The following MVP variants were observed in gnomAD, a reference collection of about 807,000 sequenced individuals.
MVP encodes major vault protein, also known as lung resistance-related protein.
Under a neutral mutation model 83.5 loss-of-function variants are expected in MVP, and 62 were observed. The ratio of observed to expected loss-of-function variants is 0.74; its 90% CI spans 0.61 to 0.92. The LOEUF is 0.92. Among genes scored for constraint, MVP ranks in the 40% least tolerant of loss-of-function variants. The probability of loss-of-function intolerance (pLI) is 0.00; values close to 1 mark genes in which losing one functional copy is unlikely to be tolerated. For missense variants in MVP, 1,000 were observed against 1,203.4 expected, an observed-to-expected ratio of 0.83 and a Z score of 2.50; for synonymous variants, 505 against 504.1, an observed-to-expected ratio of 1.00 and a Z score of -0.02.
intron 1 of MVP, among the ~76,000 whole-genome samples, chr16:29,828,292 G>A (rs578110509): frequency 6.6e-6 from 1 of 152,292 alleles, no homozygotes; most frequent in South Asian, 2.1e-4. Context: ...GGAGCCACAT[G>A]TGGATGTGGC....
Position 29,830,505 on chromosome 16 carries a change from C to G in MVP, c.-35-10C>G, listed in dbSNP as rs770602518. ...CAGGTTCATCCTGTGTCGTCTCCCC[C>G]ACCTACCAGTCATCTTCTTGTGAGC... On this transcript the variant is annotated splice_polypyrimidine_tract_variant and intron_variant, in intron 1 of 14. Coordinates refer to ENST00000357402, the MANE Select transcript of MVP (RefSeq NM_005115.5). 1.2e-6 allele frequency: 2 copies of G among 1,605,448 alleles called. No individual in the cohort carries two copies. The highest frequency in any genetic ancestry group is 1.3e-5 in the African/African-American group (1 of 74,872).
chr16:29,833,824 T>A lies in MVP; in HGVS notation c.413T>A (p.Val138Glu). ...GAGGATAAAGATGGAGACAAGGTGG[T>A]GGCAGGAGATGAGTGGCTTTTCGAG... ...DFEDKDGDKV[V>E]AGDEWLFEGP... is the part of the protein sequence containing the mutation. The change falls in exon 4 of 15, where the codon GTG becomes GAG. Residue 138 changes from valine to glutamate, a missense_variant. Physicochemically the swap from Val to Glu is moderately radical, Grantham distance 121 (BLOSUM62 -2). Coordinates refer to ENST00000357402, the MANE Select transcript of MVP (RefSeq NM_005115.5). 3 of 1,614,086 alleles carry A rather than the reference T, an allele frequency of 1.9e-6. No homozygotes were observed. The highest frequency in any genetic ancestry group is 2.5e-6 in the Non-Finnish European group (3 of 1,180,004).
intron 1 of MVP, among the ~76,000 whole-genome samples, chr16:29,823,898 C>T (rs986695731): frequency 1.6e-4 from 25 of 151,556 alleles, no homozygotes; most frequent in Admixed American, 1.6e-3. Context: ...GTGAACCTCA[C>T]CCAGACCAAT....
At chr16:29,846,770 A>T (rs1167167328) in intron 13 of MVP, among the ~76,000 whole-genome samples, 1 of 151,262 alleles carries the variant, frequency 6.6e-6, no homozygotes, top group Admixed American at 6.6e-5. Context: ...GAGGCAGGAG[A>T]ATTGCTTGAA....
chr16:29,826,218 T>C (rs2067403786), intron 1 of MVP: 1 of 152,248 alleles, frequency 6.6e-6, no homozygotes, highest in Non-Finnish European at 1.5e-5. Flanking sequence ...CTGTTCCCAG[T>C]GCTTTATGTG....
At chr16:29,825,859 T>A (rs2067401472) in intron 1 of MVP, 1 of 152,320 alleles carries the variant, frequency 6.6e-6, no homozygotes, top group South Asian at 2.1e-4. Context: ...TTCAAATCTT[T>A]CCTGGGGGGG....
rs370657227 is a variant in MVP, at chr16:29,841,800, G to A, written c.1396G>A (p.Ala466Thr). 5.6e-6 allele frequency: 9 copies of A among 1,612,642 alleles called. No individual in the cohort carries two copies. In the East Asian group the frequency reaches 1.1e-4, roughly 20 times the overall value. ...RVVSYRVPHN[A>T]AVQVYDYREK... ...GGTCAGCTACCGCGTGCCCCACAAC[G>A]CTGCGGTGCAGGTGTACGACTACCG... Residue 466 changes from alanine to threonine, a missense_variant, in exon 9 of 15, where the codon GCT (alanine) becomes ACT (threonine). Coordinates refer to ENST00000357402, the MANE Select transcript of MVP (RefSeq NM_005115.5). The surrounding 1 kb of genome is among the most constrained non-coding windows in gnomAD (Gnocchi z 4.7).
In MVP at chr16:29,842,132, A is replaced by G. The variant is rs757615822; in HGVS notation, c.1634+20A>G. The G allele has an allele frequency of 6.3e-7, 1 of 1,575,270 alleles. No homozygotes were observed. Among genetic ancestry groups the G allele is most frequent in the South Asian group, 1.1e-5 (1 of 88,210 alleles). On this transcript the variant is annotated intron_variant, in intron 10 of 14. Coordinates refer to ENST00000357402, the MANE Select transcript of MVP (RefSeq NM_005115.5). ...CAACTGGTAAAAATGGGGACAGGGCATGGGGGTGCATTCCTGGAATCCCAG... is the reference window on the plus strand; with the variant it reads ...CAACTGGTAAAAATGGGGACAGGGCGTGGGGGTGCATTCCTGGAATCCCAG...
At chr16:29,832,292 CTTTTTT>C (rs36059297) in intron 3 of MVP, among the ~76,000 whole-genome samples, 1 of 107,310 alleles carries the variant, frequency 9.3e-6, no homozygotes, top group Admixed American at 9.9e-5. Flanking sequence ...ATTCTTGTAC[CTTTTTT>C]TTTTTTTTTT....
chr16:29,839,714 G>A lies in MVP; in HGVS notation c.910-464G>A, dbSNP rs189959356. On this transcript the variant is annotated intron_variant, in intron 7 of 14. Transcript: ENST00000357402. Reference sequence around the variant, plus strand: ...TGGGAGGATTGCTTGAGCCTGGAAGGTTGAGGCTGCAGAGAGCTGAGATCA... The same window carrying A: ...TGGGAGGATTGCTTGAGCCTGGAAGATTGAGGCTGCAGAGAGCTGAGATCA... Among the ~76,000 whole-genome samples, 291 of 135,816 alleles carry A rather than the reference G, an allele frequency of 2.1e-3. 1 individual carries two copies. Among genetic ancestry groups the A allele is most frequent in the Admixed American group, 4.5e-3 (53 of 11,882 alleles). The allele number at this position is 135,816 out of a possible 152,430, so 89.1% of individuals were successfully genotyped here.
Position 29,845,879 on chromosome 16 carries a change from CTG to C in MVP, c.2039_2040del (p.Leu680ArgfsTer9), listed in dbSNP as rs749717044. ...CTCCTCCAGGCATGAGGCTCAGAGACTGGAGCAGGAAGCCCGCGGCCGGCTTG... is the reference window on the plus strand; with the variant it reads ...CTCCTCCAGGCATGAGGCTCAGAGACGAGCAGGAAGCCCGCGGCCGGCTTG... The part of the protein sequence containing the change: ...EAAAKHEAQR[L>X]EQEARGRLER... On this transcript the variant is annotated frameshift_variant, in exon 12 of 15. Transcript: ENST00000357402. LOFTEE classifies it high-confidence loss of function. 2.9e-4 allele frequency: 471 copies of C among 1,613,882 alleles called. No homozygotes were observed. Among genetic ancestry groups the C allele is most frequent in the Non-Finnish European group, 3.9e-4 (460 of 1,179,910 alleles).
chr16:29,822,094 T>G (rs1401191986), intron 1 of MVP, among the ~76,000 whole-genome samples: 2 of 151,502 alleles, frequency 1.3e-5, no homozygotes, highest in Admixed American at 6.6e-5. Context: ...TTTGTTTTTT[T>G]TTTTTTTTTA....
In MVP at chr16:29,844,731, C is replaced by T; in HGVS notation, c.1873C>T (p.Gln625Ter). 6.2e-7 allele frequency: 1 copy of T among 1,613,310 alleles called. No individual in the cohort carries two copies. Among genetic ancestry groups the T allele is most frequent in the Non-Finnish European group, 8.5e-7 (1 of 1,180,000 alleles). ...DGMALPRPRD[Q>*]AVFPQNGLVV... Reference sequence around the variant, plus strand: ...CATGGCCCTGCCCAGGCCCCGGGACCAGGCTGTCTTCCCCCAAAACGGGCT... The same window carrying T: ...CATGGCCCTGCCCAGGCCCCGGGACTAGGCTGTCTTCCCCCAAAACGGGCT... Residue 625 changes from glutamine to a stop codon, truncating the protein, a stop_gained, in exon 11 of 15, where the codon CAG (glutamine) becomes TAG (stop). Coordinates refer to ENST00000357402, the MANE Select transcript of MVP (RefSeq NM_005115.5). LOFTEE classifies it high-confidence loss of function.
At chr16:29,838,850 C>T (rs2057396723) in intron 7 of MVP, among the ~76,000 whole-genome samples, 2 of 152,086 alleles carry the variant, frequency 1.3e-5, no homozygotes, top group Non-Finnish European at 2.9e-5. Flanking sequence ...AAAATAATGA[C>T]ATACGTGCTA....
At chr16:29,821,736 G>C (rs2067363190) in intron 1 of MVP, among the ~76,000 whole-genome samples, 1 of 152,198 alleles carries the variant, frequency 6.6e-6, no homozygotes, top group South Asian at 2.1e-4. Context: ...TTCTTAACTT[G>C]CAGGTTCTTG....
intron 7 of MVP, among the ~76,000 whole-genome samples, chr16:29,837,715 C>T (rs1055708778): frequency 2.2e-4 from 33 of 151,886 alleles, no homozygotes; most frequent in African/African-American, 7.0e-4. Context: ...GATCGTGCCA[C>T]TGCACTCTAG....
At chr16:29,832,107 A>G (rs2067448019) in intron 3 of MVP, among the ~76,000 whole-genome samples, 1 of 151,882 alleles carries the variant, frequency 6.6e-6, no homozygotes, top group South Asian at 2.1e-4. Flanking sequence ...TACTGACTTT[A>G]CTAACCAGTG....
intron 1 of MVP, among the ~76,000 whole-genome samples, chr16:29,825,148 G>A (rs1035737191): frequency 6.6e-6 from 1 of 152,174 alleles, no homozygotes; most frequent in Admixed American, 6.5e-5. Context: ...GGTGGGATTT[G>A]GGGTGAAAGC....
chr16:29,844,127 T>C (rs1423048206), intron 10 of MVP, among the ~76,000 whole-genome samples: 1 of 152,244 alleles, frequency 6.6e-6, no homozygotes, highest in Admixed American at 6.5e-5. Flanking sequence ...TTGACTTCCC[T>C]GGACCTCTAC....
Sources: allele counts gnomAD v4.1 joint callset (sites outside exome capture counted in the v4.1 genomes callset), GRCh38; gene constraint gnomAD v4.1.1; non-coding constraint Gnocchi (gnomAD v3.1); transcripts MANE v1.5; gene names NCBI Gene and HGNC (gene_info 2026-07-23, HGNC 2026-07-21).